Variants in SDK1 observed in about 807,000 individuals in gnomAD.
The protein encoded by SDK1 is sidekick cell adhesion molecule 1.
SDK1 carries 157 observed loss-of-function variants against 245.5 expected under a neutral mutation model. The ratio of observed to expected loss-of-function variants is 0.64; its 90% CI spans 0.56 to 0.73. The LOEUF is 0.73. SDK1 is among the 30% of genes least tolerant of loss of function. The pLI, the probability that SDK1 is intolerant of heterozygous loss-of-function variation, is 0.00. For missense variants in SDK1, 3,583 were observed against 3,002.3 expected (o/e 1.19, Z -4.52); for synonymous variants, 1,647 against 1,278.5 (o/e 1.29, Z -6.15).
intron 28 of SDK1, among the ~76,000 whole-genome samples, chr7:4,139,421 G>GTATGTATATA (rs1779322740): frequency 6.7e-6 from 1 of 150,084 alleles, no homozygotes; most frequent in African/African-American, 2.5e-5. Context: ...ATATGTGTGT[G>GTATGTATATA]TGTGTATGTA....
intron 4 of SDK1, among the ~76,000 whole-genome samples, chr7:3,781,354 C>G (rs1414075250): frequency 6.6e-6 from 1 of 152,100 alleles, no homozygotes; most frequent in Non-Finnish European, 1.5e-5. Context: ...AAGTTGTGAA[C>G]TCTCATGAAG....
At chr7:4,111,777 C>G (rs1783366737) in intron 23 of SDK1, among the ~76,000 whole-genome samples, 1 of 152,166 alleles carries the variant, frequency 6.6e-6, no homozygotes, top group South Asian at 2.1e-4. Flanking sequence ...GGGGAAACCT[C>G]TATAGTAAAT....
rs1779243384 is a variant in SDK1 at position 3,301,294 on chromosome 7, G to A, written c.-293G>A. Among the ~76,000 whole-genome samples the A allele has an allele frequency of 6.9e-6, 1 of 144,284 alleles. No individual in the cohort carries two copies. The highest frequency in any genetic ancestry group is 2.1e-4 in the South Asian group (1 of 4,714). The allele number at this position is 144,284 out of a possible 152,430, so 94.7% of individuals were successfully genotyped here. On this transcript the variant is annotated 5_prime_UTR_variant, in exon 1 of 45. Coordinates refer to ENST00000404826, the MANE Select transcript of SDK1 (RefSeq NM_152744.4). ...CCGGGCGGGGGCGGCGGCGGCGGCG[G>A]CTCCTCCGCGCCCGGCGGACCCCTC...
chr7:4,100,035 C>T (rs1262331872), intron 22 of SDK1, among the ~76,000 whole-genome samples: 1 of 152,192 alleles, frequency 6.6e-6, no homozygotes, highest in Non-Finnish European at 1.5e-5. Context: ...GCCTCATGCC[C>T]CAGAGATTTT....
chr7:4,050,199 C>T (rs1789347254), intron 18 of SDK1, among the ~76,000 whole-genome samples: 4 of 152,106 alleles, frequency 2.6e-5, no homozygotes, highest in Non-Finnish European at 4.4e-5. Flanking sequence ...TCCTCAATAC[C>T]TGGTAATTTC....
intron 1 of SDK1, among the ~76,000 whole-genome samples, chr7:3,361,001 G>A (rs1282524167): frequency 6.6e-6 from 1 of 152,154 alleles, no homozygotes; most frequent in African/African-American, 2.4e-5. Context: ...AAACAAAATG[G>A]TGTGTTGGGA....
rs1288746824 is a variant in SDK1 at position 4,017,355 on chromosome 7, A to G, written c.2602+3A>G. 1 of 1,600,368 alleles carries G rather than the reference A, an allele frequency of 6.2e-7. No homozygotes were observed. The highest frequency in any genetic ancestry group is 8.5e-7 in the Non-Finnish European group (1 of 1,171,548). On this transcript the variant is annotated splice_donor_region_variant and intron_variant, in intron 17 of 44. Transcript: ENST00000404826. ...GACCGAGTACACCTTGCAGGGAGGT[A>G]AGCTTGTCTCCAAAACCACGAGGTG...
chr7:4,188,110 C>A (rs1782994996), intron 35 of SDK1, among the ~76,000 whole-genome samples: 1 of 152,188 alleles, frequency 6.6e-6, no homozygotes, highest in South Asian at 2.1e-4. Flanking sequence ...TGGGCCTCTT[C>A]CGCAACATGT....
intron 5 of SDK1, among the ~76,000 whole-genome samples, chr7:3,850,943 C>A (rs537711782): frequency 2.0e-5 from 3 of 152,180 alleles, no homozygotes; most frequent in Middle Eastern, 3.4e-3. Flanking sequence ...ACCAACATGG[C>A]ACATGTATAC....
chr7:3,551,828 A>G (rs995244146), intron 1 of SDK1, among the ~76,000 whole-genome samples: 2 of 152,094 alleles, frequency 1.3e-5, no homozygotes, highest in Non-Finnish European at 2.9e-5. Context: ...GGCATGAGCC[A>G]CTGCACCTGG....
intron 38 of SDK1, among the ~76,000 whole-genome samples, chr7:4,217,307 C>T (rs1370672244): frequency 7.8e-6 from 1 of 127,536 alleles, no homozygotes; most frequent in Non-Finnish European, 1.7e-5. Flanking sequence ...CCTGGAGAAC[C>T]AGGCCACCCG....
At chr7:3,802,107 C>T (rs1173328694) in intron 4 of SDK1, among the ~76,000 whole-genome samples, 1 of 152,194 alleles carries the variant, frequency 6.6e-6, no homozygotes, top group African/African-American at 2.4e-5. Context: ...GTACCCTTCA[C>T]CCAATGTTTA....
intron 4 of SDK1, among the ~76,000 whole-genome samples, chr7:3,794,892 A>G (rs952970672): frequency 6.6e-6 from 1 of 151,936 alleles, no homozygotes; most frequent in African/African-American, 2.4e-5. Flanking sequence ...ATTTTTGGAC[A>G]CTAAACTTGG....
At chr7:3,438,811 A>G (rs1310823514) in intron 1 of SDK1, among the ~76,000 whole-genome samples, 1 of 147,376 alleles carries the variant, frequency 6.8e-6, no homozygotes, top group African/African-American at 2.5e-5. Context: ...AAGTTCCATC[A>G]TTGGCAGCAA....
chr7:4,076,378 A>C (rs1780679063), intron 20 of SDK1, among the ~76,000 whole-genome samples: 1 of 152,086 alleles, frequency 6.6e-6, no homozygotes, highest in Admixed American at 6.6e-5. Context: ...ACAGGGGGAA[A>C]CCCCATCTCT....
chr7:3,339,973 A>C (rs1306759102), intron 1 of SDK1, among the ~76,000 whole-genome samples: 1 of 152,162 alleles, frequency 6.6e-6, no homozygotes, highest in Non-Finnish European at 1.5e-5. Context: ...AAAAAGGAAT[A>C]AGACCCAAAT....
intron 19 of SDK1, among the ~76,000 whole-genome samples, chr7:4,064,501 A>G (rs561539878): frequency 4.0e-4 from 61 of 152,354 alleles, no homozygotes; most frequent in African/African-American, 1.4e-3. Flanking sequence ...AATGGAAAAC[A>G]GTATAAGTTT....
chr7:4,145,869 G>GC lies in SDK1; in HGVS notation c.4377dup (p.Trp1460LeufsTer64). The GC allele has an allele frequency of 1.9e-6, 3 of 1,613,420 alleles. No homozygotes were observed. The highest frequency in any genetic ancestry group is 2.5e-6 in the Non-Finnish European group (3 of 1,179,822). ...AGGCTGTCCGCCAAGACGAGGCAGG[G>GC]CTGGGGGGAGCCACTGGAGGCCACC... On this transcript the variant is annotated frameshift_variant, in exon 29 of 45. Transcript: ENST00000404826. LOFTEE classifies it high-confidence loss of function.
chr7:3,305,228 A>C (rs1048035450), intron 1 of SDK1, among the ~76,000 whole-genome samples: 2 of 152,166 alleles, frequency 1.3e-5, no homozygotes, highest in Non-Finnish European at 2.9e-5. Flanking sequence ...CACTGGTGAA[A>C]ATTTAAAATA....
Sources: allele counts gnomAD v4.1 joint callset (sites outside exome capture counted in the v4.1 genomes callset), GRCh38; gene constraint gnomAD v4.1.1; transcripts MANE v1.5; gene names NCBI Gene and HGNC (gene_info 2026-07-23, HGNC 2026-07-21).